Variants in TTLL7 observed in about 807,000 individuals in gnomAD.
TTLL7 encodes the protein tubulin polyglutamylase TTLL7.
A neutral mutation model predicts 120.2 loss-of-function variants in TTLL7; 53 were observed. The ratio of observed to expected loss-of-function variants is 0.44; its 90% CI spans 0.35 to 0.55. The LOEUF (loss-of-function observed/expected upper bound fraction) is 0.55, where lower values mean the gene tolerates loss of function less well. Among genes scored for constraint, TTLL7 ranks in the 20% least tolerant of loss-of-function variants. The pLI is 0.00. For missense variants in TTLL7, 803 were observed against 1,054.7 expected (o/e 0.76, Z 3.31); for synonymous variants, 353 against 351.7 (o/e 1.00, Z -0.04).
At chr1:83,884,137 G>GGAGA (rs766467166) in intron 19 of TTLL7, among the ~76,000 whole-genome samples, 3 of 148,210 alleles carry the variant, frequency 2.0e-5, no homozygotes, top group South Asian at 2.1e-4. Context: ...AGGGAGGGAG[G>GGAGA]GAGAGAGAGA....
chr1:83,937,843 T>A lies in TTLL7; in HGVS notation c.888+9A>T. The A allele has an allele frequency of 6.2e-7, 1 of 1,613,758 alleles. No individual in the cohort carries two copies. Among genetic ancestry groups the A allele is most frequent in the Non-Finnish European group, 8.5e-7 (1 of 1,179,696 alleles). ...AGACTGTTATAATTGTGGAATGGCA[T>A]AATCTTACTGAAATATCACTCCAAA... On this transcript the variant is annotated intron_variant, in intron 8 of 20. Transcript: ENST00000260505.
In TTLL7 at chr1:83,951,845, C is replaced by T; in HGVS notation, c.157G>A (p.Val53Ile). The change falls in exon 3 of 21, where the codon GTT becomes ATT. Residue 53 changes from valine (V) to isoleucine (I), a missense_variant and splice_region_variant. By Grantham distance (29) the Val-to-Ile change is conservative (BLOSUM62 3). Transcript: ENST00000260505. ...ANVAGTKFEI[V>I]RLVIDEMGFM... ...CATGATTGCTTCTAAGGAAACCTAC[C>T]AATTTCAAACTTTGTCCCGGCAACA... 1 of 1,603,710 alleles carries T rather than the reference C, an allele frequency of 6.2e-7. No individual in the cohort carries two copies. The highest frequency in any genetic ancestry group is 1.7e-5 in the Admixed American group (1 of 57,798).
At chr1:83,874,066 C>T (rs1189444145) in intron 20 of TTLL7, among the ~76,000 whole-genome samples, 1 of 152,058 alleles carries the variant, frequency 6.6e-6, no homozygotes, top group African/African-American at 2.4e-5. Flanking sequence ...GTGTAACCAT[C>T]ACCATTAATT....
intron 9 of TTLL7, among the ~76,000 whole-genome samples, chr1:83,932,571 A>G (rs541799273): frequency 0.016 from 2,337 of 149,768 alleles, 57 homozygotes; most frequent in African/African-American, 0.053. Flanking sequence ...AGGCGCGCGC[A>G]CACACACACA....
chr1:83,867,995 G>C lies in TTLL7; in HGVS notation c.*1967C>G, dbSNP rs559208850. 2.4e-4 allele frequency: 36 copies of C among 152,214 alleles called. No homozygotes were observed. Among genetic ancestry groups the C allele is most frequent in the African/African-American group, 7.7e-4 (32 of 41,542 alleles). 9.4% of individuals were successfully genotyped at this position (152,214 alleles called of 1,614,324 possible). ...AATTCTTCTTTGGGATGCATGCAGA[G>C]AGGAAAAGTATCTACCAAATGTGGA... On this transcript the variant is annotated 3_prime_UTR_variant, in exon 21 of 21. Coordinates refer to ENST00000260505, the MANE Select transcript of TTLL7 (RefSeq NM_024686.6).
rs184844279 is a variant in TTLL7 at position 83,928,419 on chromosome 1, A to G, written c.1142+717T>C. ...ATGACAGGTAACTCACTATTTCAGG[A>G]AGTGTTTCAGTCAAACATCTAAAAA... On this transcript the variant is annotated intron_variant, in intron 10 of 20. Transcript: ENST00000260505. Among the ~76,000 whole-genome samples the G allele has an allele frequency of 1.2e-3, 178 of 152,286 alleles. 1 individual carries two copies. Among genetic ancestry groups the G allele is most frequent in the African/African-American group, 4.1e-3 (169 of 41,570 alleles).
intron 18 of TTLL7, among the ~76,000 whole-genome samples, chr1:83,892,181 G>T (rs1248426456): frequency 6.8e-6 from 1 of 147,590 alleles, no homozygotes; most frequent in Non-Finnish European, 1.5e-5. Context: ...AACACATGGG[G>T]AATACACATA....
chr1:83,945,078 T>C (rs191995178), intron 6 of TTLL7, among the ~76,000 whole-genome samples: 2 of 152,166 alleles, frequency 1.3e-5, no homozygotes, highest in Admixed American at 1.3e-4. Context: ...GAGGACAATA[T>C]AGAGAAATTG....
Position 83,942,387 on chromosome 1 carries a change from A to G in TTLL7, c.723+76T>C, listed in dbSNP as rs569524585. 7.2e-5 allele frequency: 88 copies of G among 1,218,060 alleles called. 1 individual carries two copies. The East Asian group carries it at 1.7e-3, about 23-fold the overall frequency. 75.5% of individuals were successfully genotyped at this position (1,218,060 alleles called of 1,614,324 possible). A position where few individuals can be genotyped will look rare whatever the true frequency, so the allele number is the denominator to read the frequency against. The stretch of plus-strand genomic sequence containing the variant: ...GGAGCAACTTTCATTCATACAATCT[A>G]TATGCCTAATGGATGCTTTAAAAAG... On this transcript the variant is annotated intron_variant, in intron 7 of 20. Coordinates refer to ENST00000260505, the MANE Select transcript of TTLL7 (RefSeq NM_024686.6).
At position 83,954,868 on chromosome 1, in the gene TTLL7, A is replaced by C. The variant is rs76258591; in HGVS notation, c.-176-2481T>G. 6.8e-4 allele frequency among the ~76,000 whole-genome samples: 103 copies of C among 152,160 alleles called. 1 individual carries two copies. In the East Asian group the frequency reaches 0.018, roughly 27 times the overall value. On this transcript the variant is annotated intron_variant, in intron 1 of 20. Transcript: ENST00000260505. ...ATCCTGTTTTCCTATCTAGTTCAAA[A>C]AAAAAAAAAACCAGAAAAAAATTTG... is the stretch of plus-strand genomic sequence containing the variant.
intron 14 of TTLL7, among the ~76,000 whole-genome samples, chr1:83,916,563 C>T (rs1472521308): frequency 6.6e-6 from 1 of 151,838 alleles, no homozygotes; most frequent in Non-Finnish European, 1.5e-5. Flanking sequence ...ATGGGTGCAG[C>T]ACACCAACAT....
At chr1:83,884,737 G>T (rs113959075) in intron 19 of TTLL7, among the ~76,000 whole-genome samples, 1 of 113,892 alleles carries the variant, frequency 8.8e-6, no homozygotes, top group South Asian at 3.2e-4. Context: ...GTGGGGGGAG[G>T]GGGGAGGGAT....
rs1652945436 is a variant in TTLL7, at chr1:83,866,784, A to G, written c.*3178T>C. On this transcript the variant is annotated 3_prime_UTR_variant, in exon 21 of 21. Coordinates refer to ENST00000260505, the MANE Select transcript of TTLL7 (RefSeq NM_024686.6). ...GCTAGTAAAATTAATCAAAATATGAATAACAATAGTTTCTTCAATAGATTA... is the reference window on the plus strand; with the variant it reads ...GCTAGTAAAATTAATCAAAATATGAGTAACAATAGTTTCTTCAATAGATTA... 6.6e-6 allele frequency: 1 copy of G among 151,978 alleles called. No individual in the cohort carries two copies. The highest frequency in any genetic ancestry group is 1.5e-5 in the Non-Finnish European group (1 of 67,842). 9.4% of individuals were successfully genotyped at this position (151,978 alleles called of 1,614,324 possible).
chr1:83,906,493 A>G lies in TTLL7; in HGVS notation c.1993-30T>C, dbSNP rs766735212. 7 of 1,610,230 alleles carry G rather than the reference A, an allele frequency of 4.3e-6. No homozygotes were observed. In the African/African-American group the frequency reaches 9.4e-5, roughly 22 times the overall value. On this transcript the variant is annotated intron_variant, in intron 16 of 20. Coordinates refer to ENST00000260505, the MANE Select transcript of TTLL7 (RefSeq NM_024686.6). ...AATTTGAAAGAATACAGATATTTGG[A>G]GGGGGTCTTATTTCATTGTGCCAGT...
chr1:83,984,700 C>T (rs981161431), intron 1 of TTLL7, among the ~76,000 whole-genome samples: 6 of 152,118 alleles, frequency 3.9e-5, no homozygotes, highest in Non-Finnish European at 8.8e-5. Context: ...CATGTTCTCA[C>T]TTATAAGTGG....
intron 15 of TTLL7, among the ~76,000 whole-genome samples, chr1:83,908,949 C>T (rs1657446479): frequency 6.6e-6 from 1 of 151,682 alleles, no homozygotes; most frequent in African/African-American, 2.4e-5. Context: ...CTCTTTGTTC[C>T]AATGATTAAC....
At chr1:83,907,725 A>C in intron 15 of TTLL7, 64 bp from the exon 16 acceptor site, 3 of 1,437,752 alleles carry the variant, frequency 2.1e-6, no homozygotes, top group Non-Finnish European at 2.9e-6. Context: ...TCACTGTATG[A>C]AGTCTATATA....
chr1:83,961,046 T>A (rs1299433116), intron 1 of TTLL7, among the ~76,000 whole-genome samples: 1 of 152,088 alleles, frequency 6.6e-6, no homozygotes, highest in Non-Finnish European at 1.5e-5. Flanking sequence ...TATGTAAGAA[T>A]AAACACAAGA....
intron 1 of TTLL7, among the ~76,000 whole-genome samples, chr1:83,995,503 C>T (rs1158689145): frequency 6.6e-6 from 1 of 151,940 alleles, no homozygotes; most frequent in African/African-American, 2.4e-5. Context: ...TGCCTGCTCC[C>T]CCTTCCCCTT....
Sources: gnomAD v4.1 joint callset for allele counts (sites outside exome capture counted in the v4.1 genomes callset) on GRCh38, gnomAD v4.1.1 for gene constraint, MANE v1.5 for transcripts, NCBI Gene and HGNC (gene_info 2026-07-23, HGNC 2026-07-21) for gene names.